WDR44: variants seen among roughly 807,000 people sequenced by gnomAD.
The protein encoded by WDR44 is WD repeat domain 44, also known as WD repeat-containing protein 44.
WDR44 carries 9 observed loss-of-function variants against 65.7 expected under a neutral mutation model. That is an observed-to-expected ratio of 0.14 (90% CI 0.08 to 0.24). WDR44 has a LOEUF of 0.24. WDR44 is among the 10% of genes least tolerant of loss of function. The probability of loss-of-function intolerance (pLI) is 1.00; values close to 1 mark genes in which losing one functional copy is unlikely to be tolerated. For synonymous variants in WDR44, 220 were observed against 235.2 expected (o/e 0.94, Z 0.59); for missense variants, 425 against 670.9 (o/e 0.63, Z 4.05).
chrX:118,418,697 GC>G, intron 12 of WDR44, among the ~76,000 whole-genome samples: 1 of 110,871 alleles, frequency 9.0e-6, no homozygotes, highest in Non-Finnish European at 1.9e-5. Flanking sequence ...AGAGCATCAA[GC>G]TATGGTAGTA....
intron 14 of WDR44, among the ~76,000 whole-genome samples, chrX:118,440,598 A>G (rs1351199288): frequency 4.5e-5 from 5 of 111,050 alleles, no homozygotes; most frequent in Non-Finnish European, 9.4e-5. Context: ...TGAAAGGTCT[A>G]GCACCTCCCG....
intron 1 of WDR44, among the ~76,000 whole-genome samples, chrX:118,349,686 T>C (rs1410020304): frequency 9.1e-6 from 1 of 110,388 alleles, no homozygotes; most frequent in Admixed American, 9.7e-5. Flanking sequence ...GCCTCCTGAG[T>C]AGCTGGGACT....
chrX:118,446,585 T>C (rs1327571030), intron 19 of WDR44, among the ~76,000 whole-genome samples: 1 of 111,836 alleles, frequency 8.9e-6, no homozygotes, highest in Non-Finnish European at 1.9e-5. Context: ...TATCAAGTAC[T>C]TTAATCTCAA....
At chrX:118,435,554 A>T (rs1244690486) in intron 13 of WDR44, among the ~76,000 whole-genome samples, 3 of 112,565 alleles carry the variant, frequency 2.7e-5, no homozygotes, top group African/African-American at 9.7e-5. Flanking sequence ...AAGTGCTGGG[A>T]TTACAGGCAT....
chrX:118,381,984 A>T (rs2056722312), intron 2 of WDR44, among the ~76,000 whole-genome samples: 1 of 109,338 alleles, frequency 9.1e-6, no homozygotes, highest in Non-Finnish European at 1.9e-5. Flanking sequence ...CCCACCTGAG[A>T]CTCCCAAGTA....
At chrX:118,351,245 A>G (rs1234841212) in intron 1 of WDR44, among the ~76,000 whole-genome samples, 2 of 112,264 alleles carry the variant, frequency 1.8e-5, no homozygotes, top group African/African-American at 6.5e-5. Flanking sequence ...ATTAACTGCA[A>G]TCTACCATAT....
chrX:118,443,853 G>C (rs185294974), intron 18 of WDR44, among the ~76,000 whole-genome samples, 166 bp downstream of exon 18: 4 of 111,074 alleles, frequency 3.6e-5, no homozygotes, highest in Admixed American at 9.7e-5. Flanking sequence ...GACCATCCTG[G>C]CTAACACGGT....
intron 12 of WDR44, among the ~76,000 whole-genome samples, chrX:118,414,257 C>CTTTTTTTTTT (rs565805780): frequency 8.6e-5 from 4 of 46,689 alleles, no homozygotes; most frequent in African/African-American, 2.3e-4. Flanking sequence ...CTTGCGATTG[C>CTTTTTTTTTT]TTTTTTTTTT....
intron 1 of WDR44, among the ~76,000 whole-genome samples, chrX:118,348,359 G>A (rs1306128207): frequency 8.9e-6 from 1 of 112,192 alleles, no homozygotes. Context: ...AGAATTGATA[G>A]AGTCACTTCT....
chrX:118,415,650 C>T (rs1250249953), intron 12 of WDR44, among the ~76,000 whole-genome samples: 2 of 110,930 alleles, frequency 1.8e-5, no homozygotes, highest in Non-Finnish European at 3.8e-5. Context: ...ATTACAGGCA[C>T]ACACCACCAT....
intron 12 of WDR44, among the ~76,000 whole-genome samples, chrX:118,417,180 G>T (rs2057064891): frequency 8.9e-6 from 1 of 111,908 alleles, no homozygotes; most frequent in Non-Finnish European, 1.9e-5. Context: ...TTCAATGTTA[G>T]TATTGAGATG....
chrX:118,415,564 C>T (rs1048623331), intron 12 of WDR44, among the ~76,000 whole-genome samples: 9 of 111,757 alleles, frequency 8.1e-5, no homozygotes, highest in African/African-American at 2.6e-4. Flanking sequence ...AGTGCAGTGG[C>T]GCAATCTCAG....
At chrX:118,387,203 A>AT (rs1491110459) in intron 2 of WDR44, 137 bp from the exon 3 acceptor site, 5 of 277,769 alleles carry the variant, frequency 1.8e-5, no homozygotes, top group Admixed American at 7.1e-5. Context: ...AAAAAAAAAA[A>AT]GAAGAAGAAG....
At chrX:118,404,262 A>T in intron 8 of WDR44, 76 bp from the exon 9 acceptor site, 1 of 711,259 alleles carries the variant, frequency 1.4e-6, no homozygotes, top group South Asian at 2.4e-5. Flanking sequence ...TTTATCAGTC[A>T]CAGCTGATAC....
intron 12 of WDR44, among the ~76,000 whole-genome samples, chrX:118,427,737 C>T (rs2057170867): frequency 9.6e-6 from 1 of 103,798 alleles, no homozygotes; most frequent in South Asian, 4.7e-4. Context: ...TGCAGTGGCA[C>T]GATCTCGGCT....
At chrX:118,367,515 T>C (rs1013337143) in intron 1 of WDR44, among the ~76,000 whole-genome samples, 3 of 111,882 alleles carry the variant, frequency 2.7e-5, no homozygotes, top group African/African-American at 9.8e-5. Flanking sequence ...CTTGACTGGC[T>C]ACCTACCTAT....
chrX:118,376,129 G>A (rs2056657663), intron 1 of WDR44, among the ~76,000 whole-genome samples: 1 of 110,377 alleles, frequency 9.1e-6, no homozygotes, highest in African/African-American at 3.3e-5. Flanking sequence ...GTAGAGATGG[G>A]GTGTCACTAT....
intron 1 of WDR44, among the ~76,000 whole-genome samples, chrX:118,351,588 T>C (rs993528864): frequency 8.9e-6 from 1 of 111,947 alleles, no homozygotes; most frequent in Admixed American, 9.5e-5. Flanking sequence ...ATCGCACTCA[T>C]GTAACATCAT....
rs1427821125 is a variant in WDR44, at chrX:118,444,366, A to G, written c.2519A>G (p.Asn840Ser). ...NDFWEGIKAH[N>S]AVVTSAIFAP... ...AAGTAAATTTTTTCCACAGCCCACA[A>G]TGCAGTTGTTACATCAGCCATCTTT... The change falls in exon 19 of 20, where the codon AAT becomes AGT. Residue 840 changes from asparagine to serine, a missense_variant. By Grantham distance (46) the Asn-to-Ser change is conservative. Around this residue, in one of 5 missense-constraint regions of WDR44, gnomAD observed 73 missense variants for 187.4 expected, o/e 0.39. Coordinates refer to ENST00000254029, the MANE Select transcript of WDR44 (RefSeq NM_019045.5). 2.5e-6 allele frequency: 3 copies of G among 1,207,654 alleles called. No individual in the cohort carries two copies. The highest frequency in any genetic ancestry group is 1.7e-5 in the African/African-American group (1 of 57,193).
Sources: allele counts gnomAD v4.1 joint callset (sites outside exome capture counted in the v4.1 genomes callset), GRCh38; gene constraint gnomAD v4.1.1; regional missense constraint gnomAD v4.1.1; transcripts MANE v1.5; gene names NCBI Gene and HGNC (gene_info 2026-07-23, HGNC 2026-07-21).